Variants in DOCK5 observed in about 807,000 individuals in gnomAD.
DOCK5 encodes dedicator of cytokinesis 5.
DOCK5 carries 142 observed loss-of-function variants against 251.8 expected under a neutral mutation model. The observed-to-expected ratio is 0.56, with a 90% CI of 0.49 to 0.65. DOCK5 has a LOEUF of 0.65. DOCK5 is among the 30% of genes least tolerant of loss of function. The pLI is 0.00. For missense variants in DOCK5, 2,111 were observed against 2,312.3 expected, an observed-to-expected ratio of 0.91 and a Z score of 1.79; for synonymous variants, 842 against 835.5, an observed-to-expected ratio of 1.01 and a Z score of -0.13.
intron 14 of DOCK5, chr8:25,317,423 C>T (rs936286833): frequency 8.9e-5 from 22 of 247,844 alleles, no homozygotes; most frequent in Non-Finnish European, 1.6e-4. Flanking sequence ...TCGTTTTCAA[C>T]TTAGTTAGCC....
At chr8:25,392,078 C>A in intron 43 of DOCK5, 98 bp downstream of exon 43, 2 of 1,134,042 alleles carry the variant, frequency 1.8e-6, no homozygotes, top group Non-Finnish European at 1.3e-6. Context: ...CCGATGCGGG[C>A]GGATCACGAA....
rs755311055 is a variant in DOCK5, at chr8:25,368,226, A to G, written c.3259A>G (p.Ile1087Val). Residue 1087 changes from isoleucine (I) to valine (V), a missense_variant, in exon 32 of 52, where the codon ATC becomes GTC. Around this residue, in one of 3 missense-constraint regions of DOCK5, gnomAD observed 1,717 missense variants for 1,892.4 expected, o/e 0.91. Coordinates refer to ENST00000276440, the MANE Select transcript of DOCK5 (RefSeq NM_024940.8). The stretch of plus-strand genomic sequence containing the variant: ...CATGAGAAAGGAAATCGGCTTTAGA[A>G]TCCGGGACATGTGGTATAACCTGGG... ...GDMRKEIGFR[I>V]RDMWYNLGPH... 6.2e-7 allele frequency: 1 copy of G among 1,612,806 alleles called. No homozygotes were observed. Among genetic ancestry groups the G allele is most frequent in the East Asian group, 2.2e-5 (1 of 44,866 alleles).
intron 1 of DOCK5, among the ~76,000 whole-genome samples, chr8:25,204,229 G>T (rs985762760): frequency 1.3e-5 from 2 of 152,106 alleles, no homozygotes; most frequent in African/African-American, 4.8e-5. Context: ...AACATAATGA[G>T]ACCCTGTCTG....
intron 40 of DOCK5, among the ~76,000 whole-genome samples, chr8:25,385,780 A>G (rs114309551): frequency 0.012 from 1,884 of 152,270 alleles, 35 homozygotes; most frequent in African/African-American, 0.042. Flanking sequence ...CTACTCAGTA[A>G]GTATCATGGA....
intron 18 of DOCK5, among the ~76,000 whole-genome samples, chr8:25,329,150 A>C (rs1167248840): frequency 6.6e-6 from 1 of 152,192 alleles, no homozygotes; most frequent in Non-Finnish European, 1.5e-5. Flanking sequence ...TTTAGGGTAG[A>C]AGGCAGTTAC....
At chr8:25,351,874 C>G in intron 27 of DOCK5, 48 bp downstream of exon 27, 3 of 1,557,876 alleles carry the variant, frequency 1.9e-6, no homozygotes, top group African/African-American at 1.4e-5. Flanking sequence ...TTTCTCTGTC[C>G]CCTTTGCCTA....
chr8:25,340,506 A>G (rs1277460880), intron 22 of DOCK5, among the ~76,000 whole-genome samples: 1 of 152,206 alleles, frequency 6.6e-6, no homozygotes, highest in East Asian at 1.9e-4. Flanking sequence ...GAAAGAACCC[A>G]CTTTTGAGTT....
intron 45 of DOCK5, chr8:25,395,988 C>A: frequency 1.9e-6 from 1 of 515,232 alleles, no homozygotes; most frequent in Non-Finnish European, 3.5e-6. Context: ...TCTGTCTCCC[C>A]TGAGGGTTAT....
At chr8:25,401,134 T>C (rs1363136330) in intron 47 of DOCK5, 68 bp downstream of exon 47, 3 of 1,580,704 alleles carry the variant, frequency 1.9e-6, no homozygotes, top group African/African-American at 2.7e-5. Context: ...CACTGATTCG[T>C]TTTTCAGATG....
intron 1 of DOCK5, among the ~76,000 whole-genome samples, chr8:25,231,749 C>T (rs1802674503): frequency 1.3e-5 from 2 of 152,158 alleles, no homozygotes; most frequent in Admixed American, 6.6e-5. Context: ...AAGCAGATAT[C>T]TTTGCCTTGT....
In DOCK5 at chr8:25,267,931, C is replaced by T. The variant is rs143663688; in HGVS notation, c.128-914C>T. Among the ~76,000 whole-genome samples, 383 of 151,736 alleles carry T rather than the reference C, an allele frequency of 2.5e-3. 4 individuals are homozygous for T. Among genetic ancestry groups the T allele is most frequent in the African/African-American group, 8.4e-3 (349 of 41,334 alleles). On this transcript the variant is annotated intron_variant, in intron 2 of 51. Coordinates refer to ENST00000276440, the MANE Select transcript of DOCK5 (RefSeq NM_024940.8). ...AGGCTGGAGTGCAGTGGTATAATCT[C>T]GGCTCACTGCAACCTCCGCCTCCCA...
rs1158897962 is a variant in DOCK5 at position 25,249,971 on chromosome 8, G to C, written c.127+6214G>C. Among the ~76,000 whole-genome samples, 3 of 152,206 alleles carry C rather than the reference G, an allele frequency of 2.0e-5. No homozygotes were observed. The East Asian group carries it at 5.8e-4, about 29-fold the overall frequency. On this transcript the variant is annotated intron_variant, in intron 2 of 51. Coordinates refer to ENST00000276440, the MANE Select transcript of DOCK5 (RefSeq NM_024940.8). The stretch of plus-strand genomic sequence containing the variant: ...TACATTATATTTTATTCATTCATCA[G>C]TTGGACATTTGGGTCGTTTAGATGT...
intron 2 of DOCK5, among the ~76,000 whole-genome samples, chr8:25,260,751 A>G (rs1229751605): frequency 6.6e-6 from 1 of 151,732 alleles, no homozygotes; most frequent in South Asian, 2.1e-4. Context: ...GTAAATCCTC[A>G]GCCTAAATGT....
intron 1 of DOCK5, among the ~76,000 whole-genome samples, chr8:25,209,160 G>A (rs1034947956): frequency 2.7e-5 from 2 of 73,832 alleles, no homozygotes; most frequent in African/African-American, 6.1e-5. Flanking sequence ...GCCATTTGAA[G>A]GAGGCTCAGA....
chr8:25,258,726 G>A lies in DOCK5; in HGVS notation c.128-10119G>A, dbSNP rs1328759056. Among the ~76,000 whole-genome samples, 4 of 152,172 alleles carry A rather than the reference G, an allele frequency of 2.6e-5. No homozygotes were observed. In the South Asian group the frequency reaches 8.3e-4, roughly 32 times the overall value. ...ATTCTATACCTAGCCAGTGGCTCAA[G>A]AACACCTGTCTTTCTCATTGCTATA... is the stretch of plus-strand genomic sequence containing the variant. On this transcript the variant is annotated intron_variant, in intron 2 of 51. Coordinates refer to ENST00000276440, the MANE Select transcript of DOCK5 (RefSeq NM_024940.8).
In DOCK5 at chr8:25,319,717, C is replaced by T. The variant is rs757050485; in HGVS notation, c.1542+41C>T. On this transcript the variant is annotated intron_variant, in intron 15 of 51. Coordinates refer to ENST00000276440, the MANE Select transcript of DOCK5 (RefSeq NM_024940.8). ...TTGTAACCCCTGTTATCTGTTAAAC[C>T]TCAGTTAGATTCCTATCTTCTGTTT... is the stretch of plus-strand genomic sequence containing the variant. 19 of 1,418,366 alleles carry T rather than the reference C, an allele frequency of 1.3e-5. No individual in the cohort carries two copies. In the Admixed American group the frequency reaches 3.9e-4, roughly 29 times the overall value. The allele number at this position is 1,418,366 out of a possible 1,614,324, so 87.9% of individuals were successfully genotyped here.
intron 9 of DOCK5, among the ~76,000 whole-genome samples, chr8:25,301,005 G>A (rs899984884): frequency 2.0e-5 from 3 of 152,106 alleles, no homozygotes; most frequent in Non-Finnish European, 2.9e-5. Flanking sequence ...TTCGAGACCA[G>A]TCTGTGCAAC....
chr8:25,397,239 A>C (rs952973215), intron 45 of DOCK5, among the ~76,000 whole-genome samples: 10 of 152,104 alleles, frequency 6.6e-5, no homozygotes, highest in Non-Finnish European at 1.5e-4. Flanking sequence ...AAAAAGAAGA[A>C]AAATGCCTGA....
At chr8:25,392,070 G>A (rs138592416) in intron 43 of DOCK5, 90 bp downstream of exon 43, 58 of 1,181,500 alleles carry the variant, frequency 4.9e-5, no homozygotes, top group African/African-American at 1.1e-4. Context: ...CTGGGAGGCC[G>A]ATGCGGGCGG....
Sources: allele counts gnomAD v4.1 joint callset (sites outside exome capture counted in the v4.1 genomes callset), GRCh38; gene constraint gnomAD v4.1.1; regional missense constraint gnomAD v4.1.1; transcripts MANE v1.5; gene names NCBI Gene and HGNC (gene_info 2026-07-23, HGNC 2026-07-21).